Variants in BPTF observed in about 807,000 individuals in gnomAD.
The protein encoded by BPTF is nucleosome-remodeling factor subunit BPTF.
In BPTF, 18 loss-of-function variants were observed where a neutral mutation model predicts 292.5. That is an observed-to-expected ratio of 0.06 (90% CI 0.04 to 0.09). BPTF has a LOEUF of 0.09. Ranked by LOEUF, BPTF falls within the 10% of genes least tolerant of loss-of-function variation. The pLI is 1.00. For missense variants in BPTF, 2,726 were observed against 3,498.7 expected, an observed-to-expected ratio of 0.78 and a Z score of 5.57; for synonymous variants, 1,225 against 1,251.9, an observed-to-expected ratio of 0.98 and a Z score of 0.45.
At chr17:67,981,122 G>T (rs1167981616) in intron 27 of BPTF, among the ~76,000 whole-genome samples, 5 of 152,206 alleles carry the variant, frequency 3.3e-5, no homozygotes, top group Non-Finnish European at 7.3e-5. Context: ...TTGCGCCACT[G>T]CACTCCAGAC....
rs1289205667 is a variant in BPTF, at chr17:67,839,180, G to A, written c.613+12843G>A. Among the ~76,000 whole-genome samples the A allele has an allele frequency of 1.6e-3, 247 of 151,662 alleles. 1 individual carries two copies. The highest frequency in any genetic ancestry group is 5.9e-3 in the African/African-American group (241 of 41,128). On this transcript the variant is annotated intron_variant, in intron 1 of 27. Coordinates refer to ENST00000306378, the MANE Select transcript of BPTF (RefSeq NM_182641.4). ...AATTGCATTGTGTACCACCTCCAAA[G>A]CAATGTTAAATGTTAGTTATAACGA...
In BPTF at chr17:67,936,809, A is replaced by C. The variant is rs181332846; in HGVS notation, c.6260-3630A>C. 7 of 152,354 alleles carry C rather than the reference A, an allele frequency of 4.6e-5. No individual in the cohort carries two copies. The East Asian group carries it at 1.2e-3, about 25-fold the overall frequency. The allele number at this position is 152,354 out of a possible 1,614,324, so 9.4% of individuals were successfully genotyped here. ...GTGTTTTGTACATAAGCATTCATTTAATCTTCATATAAAGCATATAAAATA... is the reference window on the plus strand; with the variant it reads ...GTGTTTTGTACATAAGCATTCATTTCATCTTCATATAAAGCATATAAAATA... On this transcript the variant is annotated intron_variant, in intron 18 of 27. Coordinates refer to ENST00000306378, the MANE Select transcript of BPTF (RefSeq NM_182641.4).
chr17:67,839,762 T>C (rs2057408908), intron 1 of BPTF, among the ~76,000 whole-genome samples: 1 of 152,202 alleles, frequency 6.6e-6, no homozygotes, highest in Non-Finnish European at 1.5e-5. Context: ...AACGTTTCCA[T>C]AATGGTTTTG....
chr17:67,892,761 A>G (rs1263384089), intron 5 of BPTF, among the ~76,000 whole-genome samples: 2 of 152,190 alleles, frequency 1.3e-5, no homozygotes, highest in African/African-American at 4.8e-5. Flanking sequence ...TTTCTGAAAT[A>G]CTATTTTACT....
intron 15 of BPTF, among the ~76,000 whole-genome samples, chr17:67,927,005 T>A (rs2063969304): frequency 6.6e-6 from 1 of 152,100 alleles, no homozygotes; most frequent in African/African-American, 2.4e-5. Context: ...AATGAGAAAT[T>A]GTGTAAAGTA....
intron 2 of BPTF, among the ~76,000 whole-genome samples, chr17:67,859,651 A>C (rs141966768): frequency 6.6e-5 from 10 of 152,334 alleles, no homozygotes; most frequent in African/African-American, 9.6e-5. Flanking sequence ...AGAAATCTGC[A>C]ACTTGCATCG....
At chr17:67,976,968 T>G (rs1181495104) in intron 27 of BPTF, among the ~76,000 whole-genome samples, 1 of 151,988 alleles carries the variant, frequency 6.6e-6, no homozygotes, top group Non-Finnish European at 1.5e-5. Flanking sequence ...GCTATAAAAT[T>G]TCCAAATGCT....
At chr17:67,977,647 TC>T in intron 27 of BPTF, 1 of 151,386 alleles carries the variant, frequency 6.6e-6, no homozygotes, top group East Asian at 2.0e-4. Context: ...ATGGAGACCA[TC>T]CTGGCTAACA....
Position 67,892,051 on chromosome 17 carries a change from T to C in BPTF, c.2055+17T>C. On this transcript the variant is annotated intron_variant, in intron 5 of 27. Coordinates refer to ENST00000306378, the MANE Select transcript of BPTF (RefSeq NM_182641.4). ...GGCAAAGAGGTGTGTTCTTTCTGTTTAAAACAAAAATCTGTGGAATGTGAG... is the reference window on the plus strand; with the variant it reads ...GGCAAAGAGGTGTGTTCTTTCTGTTCAAAACAAAAATCTGTGGAATGTGAG... 2.0e-6 allele frequency: 3 copies of C among 1,507,310 alleles called. No homozygotes were observed. The highest frequency in any genetic ancestry group is 1.4e-5 in the African/African-American group (1 of 70,176). 93.4% of individuals were successfully genotyped at this position (1,507,310 alleles called of 1,614,324 possible). A position where few individuals can be genotyped will look rare whatever the true frequency, so the allele number is the denominator to read the frequency against.
chr17:67,925,091 A>G (rs540418268), intron 15 of BPTF, among the ~76,000 whole-genome samples: 18 of 127,520 alleles, frequency 1.4e-4, no homozygotes, highest in Admixed American at 1.3e-3. Flanking sequence ...TCTCACGTCT[A>G]TCTTATTGTC....
chr17:67,963,282 T>A, intron 24 of BPTF: 1 of 1,478,136 alleles, frequency 6.8e-7, no homozygotes, highest in Non-Finnish European at 9.0e-7. Context: ...TTAAGTACCA[T>A]GCAGCTCAAA....
At chr17:67,897,341 C>CAAAAAAAAAAAAAAAAAAAA (rs750678904) in intron 7 of BPTF, among the ~76,000 whole-genome samples, 3 of 17,768 alleles carry the variant, frequency 1.7e-4, no homozygotes, top group African/African-American at 3.0e-4. Context: ...AACTCTGTCT[C>CAAAAAAAAAAAAAAAAAAAA]AAAAAAAAAA....
chr17:67,909,089 C>T (rs1488299341), intron 9 of BPTF, among the ~76,000 whole-genome samples: 3 of 152,018 alleles, frequency 2.0e-5, no homozygotes, highest in African/African-American at 7.2e-5. Context: ...CCCACCTCGG[C>T]CCCTCAAAGT....
chr17:67,962,912 C>T (rs2067658177), intron 24 of BPTF, among the ~76,000 whole-genome samples: 1 of 152,192 alleles, frequency 6.6e-6, no homozygotes, highest in African/African-American at 2.4e-5. Context: ...TCAAACCTAT[C>T]TAAGAAATAG....
At chr17:67,907,196 A>C (rs1203655164) in intron 9 of BPTF, among the ~76,000 whole-genome samples, 9 of 151,716 alleles carry the variant, frequency 5.9e-5, no homozygotes, top group Non-Finnish European at 1.2e-4. Context: ...AAAAAAAAAA[A>C]AAAAACCTTT....
At chr17:67,907,448 C>T (rs140912226) in intron 9 of BPTF, among the ~76,000 whole-genome samples, 7,272 of 151,500 alleles carry the variant, frequency 0.048, 230 homozygotes, top group South Asian at 0.13. Context: ...CTCCACCTCC[C>T]GGGTTCAATC....
At chr17:67,909,465 A>G (rs1336848826) in intron 9 of BPTF, 117 bp from the exon 10 acceptor site, 13 of 680,524 alleles carry the variant, frequency 1.9e-5, no homozygotes, top group Non-Finnish European at 4.5e-6. Context: ...TTTTTTTTAA[A>G]TGAAAAAATG....
At chr17:67,926,199 G>T (rs1387367798) in intron 15 of BPTF, among the ~76,000 whole-genome samples, 4 of 150,540 alleles carry the variant, frequency 2.7e-5, no homozygotes, top group African/African-American at 9.7e-5. Context: ...GTAGAGATAG[G>T]ACTTTTGCCA....
chr17:67,971,475 G>A (rs1345675810), intron 26 of BPTF, among the ~76,000 whole-genome samples: 1 of 150,068 alleles, frequency 6.7e-6, no homozygotes, highest in Non-Finnish European at 1.5e-5. Flanking sequence ...AAAGTGAGAC[G>A]CTGTCTTTAA....
Sources: allele counts gnomAD v4.1 joint callset (sites outside exome capture counted in the v4.1 genomes callset), GRCh38; gene constraint gnomAD v4.1.1; transcripts MANE v1.5; gene names NCBI Gene and HGNC (gene_info 2026-07-23, HGNC 2026-07-21).